The following ADAM19 variants were observed in gnomAD, a reference collection of about 807,000 sequenced individuals.
ADAM19 encodes ADAM metallopeptidase domain 19, also known as disintegrin and metalloproteinase domain-containing protein 19.
Under a neutral mutation model 114.7 loss-of-function variants are expected in ADAM19, and 65 were observed. That is an observed-to-expected ratio of 0.57 (90% CI 0.46 to 0.70). The LOEUF is 0.70. Among genes scored for constraint, ADAM19 ranks in the 30% least tolerant of loss-of-function variants. The pLI is 0.00. For synonymous variants in ADAM19, 466 were observed against 460.5 expected (o/e 1.01, Z -0.15); for missense variants, 1,063 against 1,204.7 (o/e 0.88, Z 1.74).
rs1421771832 is a variant in ADAM19, at chr5:157,505,735, T to C, written c.1064A>G (p.His355Arg). The change falls in exon 11 of 23, where the codon CAT becomes CGT. Residue 355 changes from histidine to arginine, a missense_variant. His to Arg is a conservative substitution (Grantham distance 29). Around this residue, in one of 3 missense-constraint regions of ADAM19, gnomAD observed 615 missense variants for 706.3 expected, o/e 0.87. Transcript: ENST00000257527. ...GGCCGAGCAGCAATCTGCAGAATCA[T>C]GGGTCATGCCAAAGTTGTGGCCCAT... Reference protein sequence around the residue: ...HEMGHNFGMTHDSADCCSASA... With the variant: ...HEMGHNFGMTRDSADCCSASA... 4 of 1,614,112 alleles carry C rather than the reference T, an allele frequency of 2.5e-6. No homozygotes were observed. The highest frequency in any genetic ancestry group is 1.1e-5 in the South Asian group (1 of 91,076).
At chr5:157,571,448 C>T (rs1002812190) in intron 1 of ADAM19, among the ~76,000 whole-genome samples, 5 of 152,088 alleles carry the variant, frequency 3.3e-5, no homozygotes, top group Non-Finnish European at 7.4e-5. Context: ...AAGGAACAAG[C>T]ATAAGGTAGG....
chr5:157,548,160 CT>C (rs1757098774), intron 3 of ADAM19, among the ~76,000 whole-genome samples: 1 of 152,204 alleles, frequency 6.6e-6, no homozygotes, highest in Non-Finnish European at 1.5e-5. Flanking sequence ...TCCCCCTTTT[CT>C]TTACTTCCTC....
intron 4 of ADAM19, among the ~76,000 whole-genome samples, chr5:157,532,077 C>T (rs764164757): frequency 1.3e-5 from 2 of 152,208 alleles, no homozygotes; most frequent in South Asian, 4.1e-4. Flanking sequence ...CTCTTTCACA[C>T]AAATCCCTCC....
At chr5:157,554,873 C>G (rs924046350) in intron 3 of ADAM19, among the ~76,000 whole-genome samples, 17 of 152,316 alleles carry the variant, frequency 1.1e-4, no homozygotes, top group African/African-American at 3.8e-4. Context: ...AAAGCTTACA[C>G]CTCCAGGTAG....
intron 1 of ADAM19, among the ~76,000 whole-genome samples, chr5:157,572,566 T>C (rs1757861277): frequency 6.6e-6 from 1 of 152,184 alleles, no homozygotes; most frequent in Non-Finnish European, 1.5e-5. Flanking sequence ...CTCTTCAGAA[T>C]ACCGATATAA....
chr5:157,561,667 G>A (rs1757513352), intron 3 of ADAM19, among the ~76,000 whole-genome samples: 1 of 152,078 alleles, frequency 6.6e-6, no homozygotes, highest in Non-Finnish European at 1.5e-5. Context: ...CTTGACTCAA[G>A]TATCAGTTCA....
intron 1 of ADAM19, 111 bp downstream of exon 1, chr5:157,575,492 C>T: frequency 1.3e-6 from 1 of 751,650 alleles, no homozygotes; most frequent in Non-Finnish European, 1.9e-6. Context: ...GCGCAGGCCC[C>T]GCGGAGTTGC....
intron 22 of ADAM19, chr5:157,481,378 C>T (rs909656641): frequency 6.8e-6 from 4 of 588,632 alleles, no homozygotes; most frequent in African/African-American, 1.9e-5. Context: ...AGAAGAAGTA[C>T]GAGGAGGGGC....
chr5:157,532,273 T>C (rs916777036), intron 4 of ADAM19, among the ~76,000 whole-genome samples: 4 of 152,156 alleles, frequency 2.6e-5, no homozygotes, highest in Admixed American at 6.5e-5. Flanking sequence ...AGCTTCAGCC[T>C]TCGTGGGGCT....
chr5:157,502,899 G>T lies in ADAM19; in HGVS notation c.1212C>A (p.Leu404=). The T allele has an allele frequency of 6.2e-7, 1 of 1,614,136 alleles. No homozygotes were observed. Among genetic ancestry groups the T allele is most frequent in the South Asian group, 1.1e-5 (1 of 91,084 alleles). Residue 404 remains leucine (L), a synonymous_variant, in exon 12 of 23, where the codon CTC becomes CTA. Coordinates refer to ENST00000257527, the MANE Select transcript of ADAM19 (RefSeq NM_033274.5). ...RYLQSGGGMC[L]SNMPDTRMLY... ...ACATCCTGGTGTCTGGCATGTTGGA[G>T]AGACACATTCCACCACCTGACTGCA...
Position 157,509,177 on chromosome 5 carries a change from G to C in ADAM19, c.905+124C>G, listed in dbSNP as rs191270143. 5.8e-5 allele frequency: 56 copies of C among 966,446 alleles called. No homozygotes were observed. The Admixed American group carries it at 8.1e-4, about 14-fold the overall frequency. The allele number at this position is 966,446 out of a possible 1,614,324, so 59.9% of individuals were successfully genotyped here. Reference sequence around the variant, plus strand: ...TGTTTAGGAAATGCCTGATTCTCTGGACCAGGGAGTCAGAATGGCCTTGTA... The same window carrying C: ...TGTTTAGGAAATGCCTGATTCTCTGCACCAGGGAGTCAGAATGGCCTTGTA... On this transcript the variant is annotated intron_variant, in intron 9 of 22. Transcript: ENST00000257527.
chr5:157,529,006 AG>A (rs1421549787), intron 5 of ADAM19, among the ~76,000 whole-genome samples: 1 of 152,242 alleles, frequency 6.6e-6, no homozygotes, highest in Non-Finnish European at 1.5e-5. Context: ...ACCTCCTATC[AG>A]CTCACCAGAG....
chr5:157,503,540 C>G (rs1050589964), intron 11 of ADAM19, among the ~76,000 whole-genome samples: 3 of 151,924 alleles, frequency 2.0e-5, no homozygotes, highest in Non-Finnish European at 4.4e-5. Context: ...TATTAACCAC[C>G]CCATAACATT....
At chr5:157,549,129 C>A (rs938821051) in intron 3 of ADAM19, among the ~76,000 whole-genome samples, 19 of 152,184 alleles carry the variant, frequency 1.2e-4, no homozygotes, top group Admixed American at 9.8e-4. Context: ...AGGAAAGCTA[C>A]TTCTCTTCCA....
At position 157,479,873 on chromosome 5, in the gene ADAM19, G is replaced by A; in HGVS notation, c.*1076C>T. 1.0e-6 allele frequency: 1 copy of A among 985,674 alleles called. No homozygotes were observed. The highest frequency in any genetic ancestry group is 1.2e-6 in the Non-Finnish European group (1 of 830,002). 61.1% of individuals were successfully genotyped at this position (985,674 alleles called of 1,614,324 possible). ...TGTAAATAGCTGGGCTCCCTAAGGG[G>A]AAACCTCACCTAGATTTAGCTTAGA... On this transcript the variant is annotated 3_prime_UTR_variant, in exon 23 of 23. Transcript: ENST00000257527.
At chr5:157,564,528 C>G (rs1285455932) in intron 2 of ADAM19, 85 bp from the exon 3 acceptor site, 7 of 1,106,184 alleles carry the variant, frequency 6.3e-6, no homozygotes, top group Non-Finnish European at 9.7e-6. Flanking sequence ...CACAGCGCTC[C>G]AACATTGATC....
chr5:157,531,461 G>A (rs1282943993), intron 4 of ADAM19, among the ~76,000 whole-genome samples: 1 of 152,162 alleles, frequency 6.6e-6, no homozygotes, highest in Non-Finnish European at 1.5e-5. Flanking sequence ...GAGGTCAGGA[G>A]TTCCAGACCG....
intron 5 of ADAM19, among the ~76,000 whole-genome samples, chr5:157,520,257 C>T (rs1756242238): frequency 1.3e-5 from 2 of 152,030 alleles, no homozygotes; most frequent in Admixed American, 6.5e-5. Flanking sequence ...GAGCTCAGGG[C>T]ACTTGGACCT....
chr5:157,536,246 C>A (rs550035163), intron 4 of ADAM19, among the ~76,000 whole-genome samples: 1 of 152,182 alleles, frequency 6.6e-6, no homozygotes, highest in Non-Finnish European at 1.5e-5. Flanking sequence ...GTAATCTCAG[C>A]GCTTTGGGAG....
Sources: allele counts gnomAD v4.1 joint callset (sites outside exome capture counted in the v4.1 genomes callset), GRCh38; gene constraint gnomAD v4.1.1; regional missense constraint gnomAD v4.1.1; transcripts MANE v1.5; gene names NCBI Gene and HGNC (gene_info 2026-07-23, HGNC 2026-07-21).